The following ABTB3 variants were observed in gnomAD, a reference collection of about 807,000 sequenced individuals.
ABTB3 encodes the protein ankyrin repeat- and BTB/POZ domain-containing protein 3.
chr12:107,518,320 AT>A, the ABTB3 span, among the ~76,000 whole-genome samples: 1 of 152,186 alleles, frequency 6.6e-6, no homozygotes, highest in East Asian at 1.9e-4. Context: ...ATGTATGTTT[AT>A]TGCGGCACTA....
chr12:107,319,360 G>A, the ABTB3 span: 1 of 1,564,274 alleles, frequency 6.4e-7, no homozygotes, highest in Admixed American at 1.9e-5. Context: ...GCCGGGCGCT[G>A]GTGCGCATAG....
At chr12:107,384,574 A>G in the ABTB3 span, among the ~76,000 whole-genome samples, 5 of 152,224 alleles carry the variant, frequency 3.3e-5, no homozygotes, top group South Asian at 1.0e-3. Context: ...TCAGGGATGC[A>G]GAACTGGACA....
the ABTB3 span, among the ~76,000 whole-genome samples, chr12:107,499,092 C>G: frequency 6.6e-6 from 1 of 152,074 alleles, no homozygotes; most frequent in Non-Finnish European, 1.5e-5. Context: ...CTCTCATGCC[C>G]AGGTCTTGGC....
At chr12:107,455,588 A>G in the ABTB3 span, among the ~76,000 whole-genome samples, 1 of 151,922 alleles carries the variant, frequency 6.6e-6, no homozygotes, top group Non-Finnish European at 1.5e-5. Context: ...ATAGCAAACC[A>G]CCCCAAAACT....
At chr12:107,586,425 C>T in the ABTB3 span, among the ~76,000 whole-genome samples, 1 of 152,136 alleles carries the variant, frequency 6.6e-6, no homozygotes, top group African/African-American at 2.4e-5. Context: ...CTTCTCTCTC[C>T]TCTCTCCTTG....
chr12:107,447,432 T>A, the ABTB3 span, among the ~76,000 whole-genome samples: 6 of 152,140 alleles, frequency 3.9e-5, no homozygotes, highest in Admixed American at 1.3e-4. Flanking sequence ...TTGAGCTACC[T>A]TGCCTGGCTG....
chr12:107,519,054 C>T, the ABTB3 span, among the ~76,000 whole-genome samples: 1 of 152,290 alleles, frequency 6.6e-6, no homozygotes. Context: ...TCCTTGTATC[C>T]TCAGTAGGAT....
the ABTB3 span, among the ~76,000 whole-genome samples, chr12:107,563,110 G>T: frequency 6.6e-6 from 1 of 152,098 alleles, no homozygotes; most frequent in East Asian, 1.9e-4. Flanking sequence ...ATCCAAGCCT[G>T]GTTCTCATTA....
At chr12:107,453,345 G>T in the ABTB3 span, among the ~76,000 whole-genome samples, 1 of 152,168 alleles carries the variant, frequency 6.6e-6, no homozygotes, top group Non-Finnish European at 1.5e-5. Context: ...AACCCCCAAG[G>T]TGATGGTATT....
At chr12:107,383,888 AG>A in the ABTB3 span, among the ~76,000 whole-genome samples, 3 of 152,336 alleles carry the variant, frequency 2.0e-5, no homozygotes, top group South Asian at 6.2e-4. Context: ...CCATCTGCTC[AG>A]GGCCTTTCAT....
the ABTB3 span, among the ~76,000 whole-genome samples, chr12:107,451,864 A>G: frequency 1.3e-5 from 2 of 152,198 alleles, no homozygotes; most frequent in African/African-American, 4.8e-5. Context: ...AGTGTTGTTT[A>G]CTGCATACCA....
At chr12:107,619,599 A>G in the ABTB3 span, among the ~76,000 whole-genome samples, 1 of 152,154 alleles carries the variant, frequency 6.6e-6, no homozygotes, top group African/African-American at 2.4e-5. Flanking sequence ...TTCTTTCCCC[A>G]GTAAGTAGAG....
chr12:107,646,908 C>T, the ABTB3 span, among the ~76,000 whole-genome samples: 324 of 152,040 alleles, frequency 2.1e-3, 1 homozygote, highest in African/African-American at 5.9e-3. Flanking sequence ...AAGGAGCGGG[C>T]GGAGCTCAGT....
chr12:107,447,599 G>A, the ABTB3 span, among the ~76,000 whole-genome samples: 1 of 152,196 alleles, frequency 6.6e-6, no homozygotes, highest in Non-Finnish European at 1.5e-5. Flanking sequence ...CTGCAACTGG[G>A]ATGTTTCAAG....
At chr12:107,529,661 A>G in the ABTB3 span, among the ~76,000 whole-genome samples, 1 of 152,232 alleles carries the variant, frequency 6.6e-6, no homozygotes, top group Non-Finnish European at 1.5e-5. Context: ...TACTTTATAT[A>G]TATTATTTGT....
At chr12:107,560,698 G>T in the ABTB3 span, among the ~76,000 whole-genome samples, 2 of 152,194 alleles carry the variant, frequency 1.3e-5, no homozygotes, top group African/African-American at 4.8e-5. Flanking sequence ...GGGATTGCCG[G>T]TAATCTCCTC....
At chr12:107,578,320 C>G in the ABTB3 span, among the ~76,000 whole-genome samples, 7 of 146,990 alleles carry the variant, frequency 4.8e-5, no homozygotes, top group Admixed American at 4.7e-4. Flanking sequence ...TATTCTGGAG[C>G]TTGCCAGCTG....
chr12:107,613,122 T>G, the ABTB3 span, among the ~76,000 whole-genome samples: 1 of 152,184 alleles, frequency 6.6e-6, no homozygotes, highest in African/African-American at 2.4e-5. Flanking sequence ...ACAACCAACA[T>G]AGCTGCAAGG....
chr12:107,598,753 G>A, the ABTB3 span, among the ~76,000 whole-genome samples: 1 of 152,176 alleles, frequency 6.6e-6, no homozygotes, highest in African/African-American at 2.4e-5. Flanking sequence ...GTACCCAAGA[G>A]CTTAACTAGC....
Sources: gnomAD v4.1 joint callset for allele counts (sites outside exome capture counted in the v4.1 genomes callset) on GRCh38, gnomAD v4.1.1 for gene constraint, MANE v1.5 for transcripts, NCBI Gene and HGNC (gene_info 2026-07-23, HGNC 2026-07-21) for gene names.